Variants in TBXAS1 observed in about 807,000 individuals in gnomAD.
The protein encoded by TBXAS1 is thromboxane-A synthase.
TBXAS1 carries 48 observed loss-of-function variants against 60.7 expected under a neutral mutation model. That is an observed-to-expected ratio of 0.79 (90% CI 0.63 to 1.01). The LOEUF (loss-of-function observed/expected upper bound fraction) is 1.01. Ranked by LOEUF, TBXAS1 falls within the 50% of genes least tolerant of loss-of-function variation. The pLI, the probability that TBXAS1 is intolerant of heterozygous loss-of-function variation, is 0.00. For synonymous variants in TBXAS1, 287 were observed against 269.7 expected, an observed-to-expected ratio of 1.06 and a Z score of -0.63; for missense variants, 685 against 686.3, an observed-to-expected ratio of 1.00 and a Z score of 0.02.
intron 1 of TBXAS1, among the ~76,000 whole-genome samples, chr7:139,839,996 A>T (rs1265420294): frequency 6.6e-6 from 1 of 151,880 alleles, no homozygotes; most frequent in African/African-American, 2.4e-5. Flanking sequence ...AAAAAAAAAA[A>T]AAAAAAGAGA....
At chr7:139,921,654 G>A (rs61684323) in intron 4 of TBXAS1, among the ~76,000 whole-genome samples, 2,302 of 152,362 alleles carry the variant, frequency 0.015, 71 homozygotes, top group African/African-American at 0.053. Context: ...AGTGAGCTAT[G>A]ATCGTGCCAC....
At chr7:139,873,186 C>G (rs189249875) in intron 2 of TBXAS1, among the ~76,000 whole-genome samples, 1 of 152,132 alleles carries the variant, frequency 6.6e-6, no homozygotes. Flanking sequence ...AGTGTACCAA[C>G]GTGAGAATGA....
At chr7:139,978,141 G>T (rs1394908790) in intron 9 of TBXAS1, among the ~76,000 whole-genome samples, 1 of 152,086 alleles carries the variant, frequency 6.6e-6, no homozygotes, top group Non-Finnish European at 1.5e-5. Flanking sequence ...CTCATTTCTA[G>T]CATGTTTTTC....
At position 139,875,568 on chromosome 7, in the gene TBXAS1, T is replaced by A; in HGVS notation, c.184-17T>A. The stretch of plus-strand genomic sequence containing the variant: ...TTGCTTAATCTTATTCTTACTATAG[T>A]GCTGTGTTTCCTTCAGGGTTTTTGG... On this transcript the variant is annotated splice_polypyrimidine_tract_variant and intron_variant, in intron 2 of 12. Coordinates refer to ENST00000448866, the MANE Select transcript of TBXAS1 (RefSeq NM_001061.7). 7 of 1,612,154 alleles carry A rather than the reference T, an allele frequency of 4.3e-6. No homozygotes were observed. Among genetic ancestry groups the A allele is most frequent in the Non-Finnish European group, 5.9e-6 (7 of 1,178,204 alleles).
intron 9 of TBXAS1, among the ~76,000 whole-genome samples, chr7:140,002,728 A>G (rs1813759839): frequency 6.6e-6 from 1 of 152,218 alleles, no homozygotes; most frequent in Admixed American, 6.5e-5. Context: ...ACATTAGGAC[A>G]GCCAGGGGGC....
intron 12 of TBXAS1, 23 bp from the exon 13 acceptor site, chr7:140,020,002 T>A: frequency 6.2e-7 from 1 of 1,611,106 alleles, no homozygotes; most frequent in Middle Eastern, 1.7e-4. Flanking sequence ...CTTTGACAAA[T>A]ATTTTAATTT....
At position 139,813,083 on chromosome 7, in the gene TBXAS1, TA is replaced by T. The variant is rs72412462; in HGVS notation, c.-79-16225del. Reference sequence around the variant, plus strand: ...AATAAATAAAATAAAATAAATAAAATAAAATAAAATAAAATAAAATAAAATA... The same window carrying T: ...AATAAATAAAATAAAATAAATAAAATAAATAAAATAAAATAAAATAAAATA... On this transcript the variant is annotated intron_variant, in intron 4 of 16. Transcript: ENST00000336425. Among the ~76,000 whole-genome samples, 12 of 5,280 alleles carry T rather than the reference TA, an allele frequency of 2.3e-3. No individual in the cohort carries two copies. The South Asian group carries it at 0.042, about 18-fold the overall frequency. The allele number at this position is 5,280 out of a possible 152,430, so 3.5% of individuals were successfully genotyped here.
chr7:139,939,006 A>G (rs546668346), intron 5 of TBXAS1, among the ~76,000 whole-genome samples: 1 of 152,184 alleles, frequency 6.6e-6, no homozygotes, highest in Non-Finnish European at 1.5e-5. Context: ...TAGTCCAGAA[A>G]TCAAATGCAT....
At position 139,896,006 on chromosome 7, in the gene TBXAS1, C is replaced by T. The variant is rs1210228584; in HGVS notation, c.237-15219C>T. Reference sequence around the variant, plus strand: ...AAAAAAGGATTCTGAGGTTTCAAGTCTGGCTTCAGAGTTGAAAGCTCCTTC... The same window carrying T: ...AAAAAAGGATTCTGAGGTTTCAAGTTTGGCTTCAGAGTTGAAAGCTCCTTC... On this transcript the variant is annotated intron_variant, in intron 3 of 12. Transcript: ENST00000448866. The surrounding 1 kb of genome is among the most constrained non-coding windows in gnomAD (Gnocchi z 4.0). Among the ~76,000 whole-genome samples, 1 of 152,192 alleles carries T rather than the reference C, an allele frequency of 6.6e-6. No individual in the cohort carries two copies. The highest frequency in any genetic ancestry group is 1.5e-5 in the Non-Finnish European group (1 of 68,028).
chr7:139,870,261 T>C (rs949906383), intron 1 of TBXAS1, among the ~76,000 whole-genome samples: 3 of 152,252 alleles, frequency 2.0e-5, no homozygotes, highest in African/African-American at 7.2e-5. Flanking sequence ...ATAATTAGCA[T>C]GTGTAATTAG....
At chr7:139,932,039 C>CA (rs202201452) in intron 4 of TBXAS1, among the ~76,000 whole-genome samples, 234 of 151,682 alleles carry the variant, frequency 1.5e-3, no homozygotes, top group African/African-American at 5.3e-3. Flanking sequence ...TAAGATGGGG[C>CA]ACCTGTAGTC....
intron 6 of TBXAS1, among the ~76,000 whole-genome samples, chr7:139,954,377 G>A (rs980515800): frequency 1.3e-5 from 2 of 152,160 alleles, no homozygotes; most frequent in Non-Finnish European, 2.9e-5. Context: ...TAACCCTCAA[G>A]ACCCTTAAAT....
At chr7:139,929,385 T>C (rs1241039308) in intron 4 of TBXAS1, among the ~76,000 whole-genome samples, 1 of 152,094 alleles carries the variant, frequency 6.6e-6, no homozygotes, top group Non-Finnish European at 1.5e-5. Context: ...GGCTAATTTA[T>C]GTGATGGAGT....
At chr7:140,015,576 G>A in intron 10 of TBXAS1, 147 bp from the exon 11 acceptor site, 1 of 921,642 alleles carries the variant, frequency 1.1e-6, no homozygotes, top group Admixed American at 1.9e-5. Flanking sequence ...GGGCTGAGCA[G>A]GGGGTCCTCT....
At chr7:139,840,663 A>C (rs1416044360) in intron 1 of TBXAS1, among the ~76,000 whole-genome samples, 1 of 152,198 alleles carries the variant, frequency 6.6e-6, no homozygotes, top group East Asian at 1.9e-4. Flanking sequence ...GGAATAAGAC[A>C]TTCAAATTGC....
At chr7:139,894,560 A>G (rs1286371097) in intron 3 of TBXAS1, among the ~76,000 whole-genome samples, 1 of 152,222 alleles carries the variant, frequency 6.6e-6, no homozygotes, top group Non-Finnish European at 1.5e-5. Flanking sequence ...TGGGAAATCT[A>G]GCAGATATAG....
At chr7:139,826,422 A>C (rs1227471534), upstream of TBXAS1, among the ~76,000 whole-genome samples, 8 of 152,172 alleles carry the variant, frequency 5.3e-5, no homozygotes, top group Admixed American at 5.2e-4. Flanking sequence ...GGAACTACAG[A>C]GGAATAATTT....
chr7:139,951,927 AAG>A (rs1258156049), intron 5 of TBXAS1, among the ~76,000 whole-genome samples: 2 of 78,618 alleles, frequency 2.5e-5, no homozygotes, highest in African/African-American at 4.8e-5. Context: ...GAGAGAAAGA[AAG>A]AGAGAAAGAA....
At chr7:139,814,575 T>C (rs1282453645) in intron 4 of TBXAS1, among the ~76,000 whole-genome samples, 1 of 152,146 alleles carries the variant, frequency 6.6e-6, no homozygotes, top group East Asian at 1.9e-4. Flanking sequence ...TATAGTTCTC[T>C]GGAGTTCCAA....
Sources: gnomAD v4.1 joint callset for allele counts (sites outside exome capture counted in the v4.1 genomes callset) on GRCh38, gnomAD v4.1.1 for gene constraint, Gnocchi (gnomAD v3.1) non-coding constraint, MANE v1.5 for transcripts, NCBI Gene and HGNC (gene_info 2026-07-23, HGNC 2026-07-21) for gene names.